The following KCNH1 variants were observed in gnomAD, a reference collection of about 807,000 sequenced individuals.
KCNH1 encodes potassium voltage-gated channel subfamily H member 1, also known as voltage-gated delayed rectifier potassium channel KCNH1.
In KCNH1, 27 loss-of-function variants were observed where a neutral mutation model predicts 69.2. That is an observed-to-expected ratio of 0.39 (90% confidence interval 0.29 to 0.54). The LOEUF (loss-of-function observed/expected upper bound fraction) is 0.54. Ranked by LOEUF, KCNH1 falls within the 20% of genes least tolerant of loss-of-function variation. The pLI is 0.68. For missense variants in KCNH1, 798 were observed against 1,261.6 expected (o/e 0.63, Z 5.57); for synonymous variants, 456 against 487.7 (o/e 0.93, Z 0.86).
chr1:210,917,245 A>C (rs963689266), intron 7 of KCNH1, among the ~76,000 whole-genome samples: 2 of 146,774 alleles, frequency 1.4e-5, no homozygotes, highest in African/African-American at 5.2e-5. Flanking sequence ...GAAAGAAAGA[A>C]AGAAAGAAAG....
chr1:211,070,429 A>AC (rs56806753), intron 5 of KCNH1, among the ~76,000 whole-genome samples: 25,023 of 129,638 alleles, frequency 0.19, 2,245 homozygotes, highest in Non-Finnish European at 0.23. Context: ...AAAAAAAAAA[A>AC]AACACACACA....
intron 7 of KCNH1, among the ~76,000 whole-genome samples, chr1:210,898,058 A>G (rs1195260166): frequency 6.6e-6 from 1 of 152,194 alleles, no homozygotes; most frequent in Non-Finnish European, 1.5e-5. Flanking sequence ...CTAAGGCACT[A>G]CATTCTTTTC....
intron 10 of KCNH1, among the ~76,000 whole-genome samples, chr1:210,697,126 A>C (rs1681662617): frequency 6.6e-6 from 1 of 152,222 alleles, no homozygotes; most frequent in African/African-American, 2.4e-5. Flanking sequence ...GCTGATATCC[A>C]AACTTTGCCA....
chr1:210,907,009 C>G (rs965464259), intron 7 of KCNH1, among the ~76,000 whole-genome samples: 1 of 152,202 alleles, frequency 6.6e-6, no homozygotes, highest in Non-Finnish European at 1.5e-5. Flanking sequence ...AAATGTTAAA[C>G]TTCTGGCATC....
chr1:210,870,317 C>A (rs906496483), intron 7 of KCNH1, among the ~76,000 whole-genome samples: 1 of 152,174 alleles, frequency 6.6e-6, no homozygotes, highest in Non-Finnish European at 1.5e-5. Flanking sequence ...CTCACCCCCA[C>A]ACCTCCACCA....
chr1:211,100,753 G>C (rs1036702982), intron 3 of KCNH1, among the ~76,000 whole-genome samples: 5 of 152,184 alleles, frequency 3.3e-5, no homozygotes, highest in African/African-American at 7.2e-5. Context: ...TGAAAGAGAC[G>C]CACCCTGTTG....
chr1:210,819,684 A>T (rs1486082444), intron 7 of KCNH1, among the ~76,000 whole-genome samples: 1 of 152,174 alleles, frequency 6.6e-6, no homozygotes, highest in Non-Finnish European at 1.5e-5. Context: ...CAAAAAAAAT[A>T]ACCATTAGAA....
chr1:210,885,741 G>T (rs138231687), intron 7 of KCNH1, among the ~76,000 whole-genome samples: 2 of 152,284 alleles, frequency 1.3e-5, no homozygotes, highest in Non-Finnish European at 1.5e-5. Context: ...GCCTTGAGTA[G>T]GCTACTTTCC....
At chr1:210,856,779 T>TTA (rs71134640) in intron 7 of KCNH1, among the ~76,000 whole-genome samples, 10,511 of 121,584 alleles carry the variant, frequency 0.086, 529 homozygotes, top group Middle Eastern at 0.19. Flanking sequence ...TATATATATG[T>TTA]TATATATATA....
At position 211,103,557 on chromosome 1, in the gene KCNH1, C is replaced by T. The variant is rs1691300047; in HGVS notation, c.249G>A (p.Val83=). 5 of 1,613,476 alleles carry T rather than the reference C, an allele frequency of 3.1e-6. No individual in the cohort carries two copies. The African/African-American group carries it at 6.7e-5, about 22-fold the overall frequency. Residue 83 remains valine (V), a synonymous_variant, in exon 3 of 11, where the codon GTG becomes GTA. Transcript: ENST00000271751. ...TCTCATAGTTCTCAAATGTTTGCCG[C>T]ACTTTTTCAATCGTGTCTTTATCAG... ...ELTDKDTIEK[V]RQTFENYEMN...
chr1:210,979,709 T>C (rs1688676970), intron 6 of KCNH1, among the ~76,000 whole-genome samples: 1 of 152,202 alleles, frequency 6.6e-6, no homozygotes, highest in Non-Finnish European at 1.5e-5. Context: ...CTTTGAAGCC[T>C]GAGAAAGTTC....
chr1:210,950,673 G>A (rs958013352), intron 6 of KCNH1, among the ~76,000 whole-genome samples: 1 of 152,068 alleles, frequency 6.6e-6, no homozygotes, highest in Non-Finnish European at 1.5e-5. Context: ...ATTTCTTAAA[G>A]ACAGGCCCTC....
At chr1:210,737,719 G>T (rs1478399915) in intron 10 of KCNH1, among the ~76,000 whole-genome samples, 1 of 152,138 alleles carries the variant, frequency 6.6e-6, no homozygotes, top group South Asian at 2.1e-4. Context: ...AGTTCATCAG[G>T]CCAAAGGCCT....
chr1:211,067,350 A>G (rs1235433571), intron 5 of KCNH1, among the ~76,000 whole-genome samples: 2 of 152,212 alleles, frequency 1.3e-5, no homozygotes, highest in Admixed American at 1.3e-4. Context: ...TAAGGGACAG[A>G]AAGCTGAGCT....
Position 210,917,275 on chromosome 1 carries a change from G to GAAAGAAAGAAAGA in KCNH1, c.1462+2364_1462+2365insTCTTTCTTTCTTT, listed in dbSNP as rs1553359771. Among the ~76,000 whole-genome samples the GAAAGAAAGAAAGA allele has an allele frequency of 3.3e-3, 465 of 142,874 alleles. 4 individuals carry two copies. Among genetic ancestry groups the GAAAGAAAGAAAGA allele is most frequent in the African/African-American group, 0.011 (412 of 37,480 alleles). The allele number at this position is 142,874 out of a possible 152,430, so 93.7% of individuals were successfully genotyped here. A position where few individuals can be genotyped will look rare whatever the true frequency, so the allele number is the denominator to read the frequency against. The stretch of plus-strand genomic sequence containing the variant: ...AGAAAGAAAGAAAGAAAGAAAGAAA[G>GAAAGAAAGAAAGA]AAAGAAAAGAAAAGAAAGAGAAACA... On this transcript the variant is annotated intron_variant, in intron 7 of 10. Transcript: ENST00000271751.
At chr1:210,845,347 A>C (rs1011207489) in intron 7 of KCNH1, among the ~76,000 whole-genome samples, 1 of 152,156 alleles carries the variant, frequency 6.6e-6, no homozygotes, top group Non-Finnish European at 1.5e-5. Context: ...CTGGCAAACC[A>C]AATCCAGCAG....
intron 7 of KCNH1, among the ~76,000 whole-genome samples, chr1:210,885,199 A>G (rs1053977456): frequency 1.3e-5 from 2 of 152,200 alleles, no homozygotes; most frequent in Non-Finnish European, 2.9e-5. Context: ...CTGCTTTCCA[A>G]CTGAGGTACC....
rs569285906 is a variant in KCNH1 at position 211,012,637 on chromosome 1, G to A, written c.1032+6146C>T. On this transcript the variant is annotated intron_variant, in intron 6 of 10. Coordinates refer to ENST00000271751, the MANE Select transcript of KCNH1 (RefSeq NM_172362.3). ...GGAATTGGGGTAGGGGGATGAATAC[G>A]TGGAGCACAGGGGATGTTTAAGGCA... Among the ~76,000 whole-genome samples the A allele has an allele frequency of 3.3e-5, 5 of 152,250 alleles. No individual in the cohort carries two copies. In the East Asian group the frequency reaches 5.8e-4, roughly 18 times the overall value.
chr1:210,779,987 A>C (rs1212583448), intron 9 of KCNH1, among the ~76,000 whole-genome samples: 1 of 152,190 alleles, frequency 6.6e-6, no homozygotes. Flanking sequence ...AAGAAAACTA[A>C]GCCCCTGCAG....
Sources: gnomAD v4.1 joint callset for allele counts (sites outside exome capture counted in the v4.1 genomes callset) on GRCh38, gnomAD v4.1.1 for gene constraint, MANE v1.5 for transcripts, NCBI Gene and HGNC (gene_info 2026-07-23, HGNC 2026-07-21) for gene names.